The following ZZZ3 variants were observed in gnomAD, a reference collection of about 807,000 sequenced individuals.
ZZZ3 encodes the protein zinc finger ZZ-type containing 3, also known as ZZ-type zinc finger-containing protein 3.
In ZZZ3, 22 loss-of-function variants were observed where a neutral mutation model predicts 95.2. The ratio of observed to expected loss-of-function variants is 0.23; its 90% CI spans 0.17 to 0.33. ZZZ3 has a LOEUF of 0.33. Ranked by LOEUF, ZZZ3 falls within the 10% of genes least tolerant of loss-of-function variation. ZZZ3 has a pLI of 1.00. For missense variants in ZZZ3, 885 were observed against 1,066.5 expected (o/e 0.83, Z 2.37); for synonymous variants, 335 against 358.9 (o/e 0.93, Z 0.75).
intron 6 of ZZZ3, among the ~76,000 whole-genome samples, chr1:77,582,790 T>C (rs1397575549): frequency 1.3e-5 from 2 of 152,054 alleles, no homozygotes; most frequent in African/African-American, 4.8e-5. Flanking sequence ...CACATCTTTA[T>C]TTCTGAAATA....
In ZZZ3 at chr1:77,568,641, CTT is replaced by C. The variant is rs11355685; in HGVS notation, c.2332-177_2332-176del. Among the ~76,000 whole-genome samples, 1,064 of 125,814 alleles carry C rather than the reference CTT, an allele frequency of 8.5e-3. 3 individuals carry two copies. The highest frequency in any genetic ancestry group is 9.7e-3 in the Non-Finnish European group (585 of 60,498). 82.5% of individuals were successfully genotyped at this position (125,814 alleles called of 152,430 possible). A position where few individuals can be genotyped will look rare whatever the true frequency, so the allele number is the denominator to read the frequency against. On this transcript the variant is annotated intron_variant, in intron 12 of 14. Coordinates refer to ENST00000370801, the MANE Select transcript of ZZZ3 (RefSeq NM_015534.6). ...AGTATTTTCCACTAATGCTTTTGGACTTTTTTTTTTTTTTTTTTTTAACACAA... is the reference window on the plus strand; with the variant it reads ...AGTATTTTCCACTAATGCTTTTGGACTTTTTTTTTTTTTTTTTTAACACAA...
At chr1:77,681,698 C>A (rs1304868562) in intron 1 of ZZZ3, among the ~76,000 whole-genome samples, 1 of 152,038 alleles carries the variant, frequency 6.6e-6, no homozygotes, top group Admixed American at 6.6e-5. Context: ...TTGAGACCAG[C>A]CTGGCCAACA....
chr1:77,626,463 G>A (rs1667345753), intron 5 of ZZZ3, among the ~76,000 whole-genome samples: 1 of 152,184 alleles, frequency 6.6e-6, no homozygotes, highest in African/African-American at 2.4e-5. Flanking sequence ...GACAGTGACA[G>A]ATCATCAGGC....
chr1:77,676,347 T>C (rs951325879), intron 1 of ZZZ3, among the ~76,000 whole-genome samples: 1 of 152,224 alleles, frequency 6.6e-6, no homozygotes, highest in Non-Finnish European at 1.5e-5. Context: ...TGTGTATTTT[T>C]TGTAGAGACG....
At chr1:77,594,178 AAAAAG>A (rs1663991514) in intron 5 of ZZZ3, among the ~76,000 whole-genome samples, 3 of 152,254 alleles carry the variant, frequency 2.0e-5, no homozygotes, top group African/African-American at 7.2e-5. Flanking sequence ...GAGAATATTT[AAAAAG>A]ACCTATGTGA....
intron 1 of ZZZ3, among the ~76,000 whole-genome samples, chr1:77,667,919 C>T (rs1174850868): frequency 6.6e-6 from 1 of 151,830 alleles, no homozygotes; most frequent in East Asian, 1.9e-4. Context: ...CACCTGCCAC[C>T]ACGCCCGGCT....
Position 77,631,911 on chromosome 1 carries a change from C to G in ZZZ3, c.1444G>C (p.Asp482His). The G allele has an allele frequency of 6.2e-7, 1 of 1,613,402 alleles. No individual in the cohort carries two copies. The highest frequency in any genetic ancestry group is 8.5e-7 in the Non-Finnish European group (1 of 1,179,644). ...SASQHITEEE[D>H]DDPDVYYFES... ...AAGTAATAAACATCAGGATCATCAT[C>G]TTCCTCTTCTGTAATGTGCTGACTG... is the stretch of plus-strand genomic sequence containing the variant. Residue 482 changes from aspartate (D) to histidine (H), a missense_variant, in exon 5 of 15, where the codon GAT (aspartate) becomes CAT (histidine). By Grantham distance (81) the Asp-to-His change is moderately conservative (BLOSUM62 -1). Around this residue, in one of 5 missense-constraint regions of ZZZ3, gnomAD observed 556 missense variants for 652.9 expected, o/e 0.85. Transcript: ENST00000370801.
At chr1:77,670,437 TTAG>T (rs1178122826) in intron 1 of ZZZ3, among the ~76,000 whole-genome samples, 1 of 151,964 alleles carries the variant, frequency 6.6e-6, no homozygotes, top group Non-Finnish European at 1.5e-5. Context: ...ATTTTTTGTT[TTAG>T]TAGAGATGGG....
intron 12 of ZZZ3, 97 bp from the exon 13 acceptor site, chr1:77,568,563 T>TAAAAA: frequency 1.5e-6 from 1 of 689,430 alleles, no homozygotes; most frequent in Non-Finnish European, 2.2e-6. Flanking sequence ...ACTGATATTT[T>TAAAAA]TCATTTTTAA....
intron 1 of ZZZ3, among the ~76,000 whole-genome samples, chr1:77,679,260 C>G (rs1019739246): frequency 6.6e-6 from 1 of 152,142 alleles, no homozygotes; most frequent in African/African-American, 2.4e-5. Context: ...GCAACTATTT[C>G]TTGTAGGTGA....
intron 5 of ZZZ3, among the ~76,000 whole-genome samples, chr1:77,606,244 A>G (rs964177003): frequency 1.3e-5 from 2 of 152,178 alleles, no homozygotes; most frequent in East Asian, 3.9e-4. Context: ...CCATGGGGTG[A>G]GGCTCCTCTG....
At chr1:77,631,277 A>G (rs1667788763) in intron 5 of ZZZ3, among the ~76,000 whole-genome samples, 1 of 152,230 alleles carries the variant, frequency 6.6e-6, no homozygotes, top group African/African-American at 2.4e-5. Context: ...ACTATCCAGT[A>G]GACTAACCCT....
intron 4 of ZZZ3, among the ~76,000 whole-genome samples, chr1:77,635,154 A>C (rs1163161588): frequency 1.3e-5 from 2 of 152,228 alleles, no homozygotes; most frequent in Non-Finnish European, 2.9e-5. Context: ...ATAAAAAAGA[A>C]ACACTACAGG....
intron 1 of ZZZ3, among the ~76,000 whole-genome samples, chr1:77,655,727 T>C (rs887176874): frequency 1.3e-5 from 2 of 152,164 alleles, no homozygotes; most frequent in Non-Finnish European, 2.9e-5. Flanking sequence ...AGCACTAATA[T>C]GACATCATTT....
intron 1 of ZZZ3, among the ~76,000 whole-genome samples, chr1:77,657,333 G>A (rs1200608342): frequency 2.0e-5 from 3 of 152,066 alleles, no homozygotes; most frequent in Non-Finnish European, 4.4e-5. Flanking sequence ...ACAGTCAACA[G>A]CACTATAACT....
intron 5 of ZZZ3, among the ~76,000 whole-genome samples, chr1:77,605,845 G>A (rs1381127413): frequency 6.6e-6 from 1 of 152,208 alleles, no homozygotes; most frequent in African/African-American, 2.4e-5. Context: ...CACGCAGGTA[G>A]TACATCATGG....
chr1:77,567,426 T>C (rs369160487), intron 13 of ZZZ3, among the ~76,000 whole-genome samples: 2 of 152,182 alleles, frequency 1.3e-5, no homozygotes, highest in Non-Finnish European at 2.9e-5. Flanking sequence ...TTCCTAAAGA[T>C]CATCACCCCC....
intron 9 of ZZZ3, 65 bp downstream of exon 9, chr1:77,580,933 A>G (rs1041182128): frequency 2.1e-6 from 3 of 1,396,802 alleles, no homozygotes; most frequent in Non-Finnish European, 3.1e-6. Flanking sequence ...GCCTCATAAT[A>G]CTGACTCTGA....
intron 1 of ZZZ3, among the ~76,000 whole-genome samples, chr1:77,675,630 T>A (rs1369242345): frequency 6.6e-6 from 1 of 152,178 alleles, no homozygotes; most frequent in African/African-American, 2.4e-5. Context: ...TATTATTTTT[T>A]CACACTCAAA....
Sources: gnomAD v4.1 joint callset for allele counts (sites outside exome capture counted in the v4.1 genomes callset) on GRCh38, gnomAD v4.1.1 for gene constraint, gnomAD v4.1.1 regional missense constraint, MANE v1.5 for transcripts, NCBI Gene and HGNC (gene_info 2026-07-23, HGNC 2026-07-21) for gene names.